Variants in ADGRL1 observed in about 807,000 individuals in gnomAD.
ADGRL1 encodes adhesion G protein-coupled receptor L1, also known as CIRL-1.
ADGRL1 carries 31 observed loss-of-function variants against 148.9 expected under a neutral mutation model. That is an observed-to-expected ratio of 0.21 (90% confidence interval 0.16 to 0.28). The LOEUF is 0.28. ADGRL1 is among the 10% of genes least tolerant of loss of function. ADGRL1 has a pLI of 1.00. For missense variants in ADGRL1, 1,521 were observed against 2,058.8 expected (o/e 0.74, Z 5.05); for synonymous variants, 937 against 900.3 (o/e 1.04, Z -0.73).
In ADGRL1 at chr19:14,160,062, G is replaced by T; in HGVS notation, c.1800+50C>A. 6.6e-7 allele frequency: 1 copy of T among 1,523,340 alleles called. No homozygotes were observed. The highest frequency in any genetic ancestry group is 8.8e-7 in the Non-Finnish European group (1 of 1,129,988). The allele number at this position is 1,523,340 out of a possible 1,614,324, so 94.4% of individuals were successfully genotyped here. ...CAGGTCAGGTACTTCCCAAGCCCCTGGGGGCAGGCGCCCTCCCCATACCAG... is the reference window on the plus strand; with the variant it reads ...CAGGTCAGGTACTTCCCAAGCCCCTTGGGGCAGGCGCCCTCCCCATACCAG... On this transcript the variant is annotated intron_variant, in intron 8 of 22. Coordinates refer to ENST00000361434, the MANE Select transcript of ADGRL1 (RefSeq NM_014921.5). This position sits in a 1 kb window ranked among gnomAD's most constrained non-coding sequence, Gnocchi z 5.9.
At chr19:14,201,734 C>T (rs1972626646) in intron 1 of ADGRL1, among the ~76,000 whole-genome samples, 2 of 152,076 alleles carry the variant, frequency 1.3e-5, no homozygotes, top group South Asian at 2.1e-4. Flanking sequence ...ACTTCTTGAA[C>T]GCACACTGTG....
rs1568584534 is a variant in ADGRL1, at chr19:14,162,197, C to T, written c.1195+409G>A. ...ACTGCAGAGTTGCCCTCAGCCCGGT[C>T]AGCATCAGCAGCTCAGCTCTTTTGT... On this transcript the variant is annotated intron_variant, in intron 5 of 22. Coordinates refer to ENST00000361434, the MANE Select transcript of ADGRL1 (RefSeq NM_014921.5). The surrounding 1 kb of genome is among the most constrained non-coding windows in gnomAD (Gnocchi z 5.4). 6.6e-6 allele frequency among the ~76,000 whole-genome samples: 1 copy of T among 152,174 alleles called. No homozygotes were observed. The highest frequency in any genetic ancestry group is 1.5e-5 in the Non-Finnish European group (1 of 68,034).
rs1968335635 is a variant in ADGRL1, at chr19:14,152,696, C to T, written c.3424-83G>A. 1.8e-5 allele frequency: 28 copies of T among 1,590,246 alleles called. No individual in the cohort carries two copies. The highest frequency in any genetic ancestry group is 1.7e-4 in the South Asian group (15 of 89,992). ...TCTGAGACTGCTCACCTGATCATCA[C>T]GATCAGAAACCTAGGCCAAGCCACT... On this transcript the variant is annotated intron_variant, in intron 19 of 22. Coordinates refer to ENST00000361434, the MANE Select transcript of ADGRL1 (RefSeq NM_014921.5). This position sits in a 1 kb window ranked among gnomAD's most constrained non-coding sequence, Gnocchi z 6.1.
At position 14,201,325 on chromosome 19, in the gene ADGRL1, G is replaced by C. The variant is rs576767738; in HGVS notation, c.-96+4660C>G. ...TTGTTTTTTTTTTTTGGCGGGGTGG[G>C]GGGGGGCAAGGTTATTTTTGGCCTG... On this transcript the variant is annotated intron_variant, in intron 1 of 22. Coordinates refer to ENST00000361434, the MANE Select transcript of ADGRL1 (RefSeq NM_014921.5). Among the ~76,000 whole-genome samples, 1,405 of 144,090 alleles carry C rather than the reference G, an allele frequency of 9.8e-3. 31 individuals are homozygous for C. Among genetic ancestry groups the C allele is most frequent in the Non-Finnish European group, 0.017 (1,127 of 65,992 alleles). The allele number at this position is 144,090 out of a possible 152,430, so 94.5% of individuals were successfully genotyped here. A position where few individuals can be genotyped will look rare whatever the true frequency, so the allele number is the denominator to read the frequency against.
At position 14,183,403 on chromosome 19, in the gene ADGRL1, G is replaced by C. The variant is rs1231421094; in HGVS notation, c.70+130C>G. 4.2e-5 allele frequency: 35 copies of C among 827,590 alleles called. 1 individual carries two copies. In the South Asian group the frequency reaches 5.8e-4, roughly 14 times the overall value. 51.3% of individuals were successfully genotyped at this position (827,590 alleles called of 1,614,324 possible). On this transcript the variant is annotated intron_variant, in intron 2 of 22. Coordinates refer to ENST00000361434, the MANE Select transcript of ADGRL1 (RefSeq NM_014921.5). ...CTGAGTCTTCCACTGGCCTGCTCCA[G>C]CTGAGGTCTGGGGCGGGGCAGGGGG...
intron 1 of ADGRL1, among the ~76,000 whole-genome samples, chr19:14,195,169 C>T (rs1972179913): frequency 6.6e-6 from 1 of 152,012 alleles, no homozygotes; most frequent in Non-Finnish European, 1.5e-5. Context: ...ACAGGTGTAC[C>T]CAGGAATCCA....
intron 1 of ADGRL1, among the ~76,000 whole-genome samples, chr19:14,192,391 C>A (rs546806841): frequency 2.0e-5 from 3 of 152,090 alleles, no homozygotes; most frequent in African/African-American, 7.2e-5. Context: ...CAGTCACACG[C>A]CACCACGCCT....
intron 1 of ADGRL1, among the ~76,000 whole-genome samples, chr19:14,187,360 C>A (rs563071060): frequency 3.5e-4 from 53 of 152,128 alleles, no homozygotes; most frequent in Middle Eastern, 6.8e-3. Context: ...TAAAACAAAT[C>A]GGCACAGGCC....
At chr19:14,179,600 T>C (rs970048430) in intron 2 of ADGRL1, among the ~76,000 whole-genome samples, 1 of 151,426 alleles carries the variant, frequency 6.6e-6, no homozygotes, top group African/African-American at 2.4e-5. Flanking sequence ...ACAATCAATG[T>C]CTGTTGCTTA....
chr19:14,191,528 T>C (rs908554857), intron 1 of ADGRL1: 1 of 444,124 alleles, frequency 2.3e-6, no homozygotes, highest in Admixed American at 2.4e-5. Flanking sequence ...ACTGCGCGGC[T>C]TACACAGCAG....
chr19:14,198,455 C>A (rs1252728100), intron 1 of ADGRL1, among the ~76,000 whole-genome samples: 1 of 152,180 alleles, frequency 6.6e-6, no homozygotes, highest in Non-Finnish European at 1.5e-5. Context: ...TTCTGGCCCC[C>A]ACCTTGCTGG....
intron 1 of ADGRL1, among the ~76,000 whole-genome samples, chr19:14,196,991 T>C (rs1050150729): frequency 4.6e-5 from 7 of 152,144 alleles, no homozygotes; most frequent in Non-Finnish European, 7.4e-5. Context: ...AAGGTCACCC[T>C]GGAGCTGGGC....
Position 14,155,896 on chromosome 19 carries a change from A to G in ADGRL1, c.3125+214T>C, listed in dbSNP as rs1034378657. 5 of 591,588 alleles carry G rather than the reference A, an allele frequency of 8.5e-6. No homozygotes were observed. The African/African-American group carries it at 9.3e-5, about 11-fold the overall frequency. The allele number at this position is 591,588 out of a possible 1,614,324, so 36.6% of individuals were successfully genotyped here. On this transcript the variant is annotated intron_variant, in intron 17 of 22. Transcript: ENST00000361434. This position sits in a 1 kb window ranked among gnomAD's most constrained non-coding sequence, Gnocchi z 5.0. ...CCTCAGCCTACATACCGATGCCCCT[A>G]AAACCACAGGTTGGACGTGCTAATG...
At chr19:14,166,856 G>A (rs1160054961) in intron 4 of ADGRL1, among the ~76,000 whole-genome samples, 1 of 152,054 alleles carries the variant, frequency 6.6e-6, no homozygotes, top group Non-Finnish European at 1.5e-5. Flanking sequence ...CCGCACCAGG[G>A]CTGGTCCCAC....
chr19:14,150,974 GGTA>G lies in ADGRL1; in HGVS notation c.4306_4308del (p.Tyr1436del). 6.2e-7 allele frequency: 1 copy of G among 1,601,470 alleles called. No homozygotes were observed. Among genetic ancestry groups the G allele is most frequent in the African/African-American group, 1.3e-5 (1 of 74,758 alleles). ...CCCTCGTGGCTAGGACGCCGCACCT[GGTA>G]GTAGCCCTGCAGGGGATTCCGGGCC... On this transcript the variant is annotated inframe_deletion, in exon 23 of 23. Transcript: ENST00000361434.
chr19:14,187,873 G>A (rs1971683716), intron 1 of ADGRL1, among the ~76,000 whole-genome samples: 1 of 152,018 alleles, frequency 6.6e-6, no homozygotes, highest in Non-Finnish European at 1.5e-5. Context: ...CCCCTCCCAG[G>A]GTCTCCAAGC....
chr19:14,194,653 C>T (rs964983543), intron 1 of ADGRL1, among the ~76,000 whole-genome samples: 17 of 152,174 alleles, frequency 1.1e-4, no homozygotes, highest in Non-Finnish European at 1.5e-5. Flanking sequence ...GGCTGGCTCC[C>T]CAGGTTGGGC....
In ADGRL1 at chr19:14,158,459, G is replaced by A. The variant is rs756551238; in HGVS notation, c.2243C>T (p.Pro748Leu). 9 of 1,613,786 alleles carry A rather than the reference G, an allele frequency of 5.6e-6. No individual in the cohort carries two copies. Among genetic ancestry groups the A allele is most frequent in the Middle Eastern group, 3.3e-4 (2 of 6,084 alleles). ...TAGAGAGGCGCCCCCAGGGCCACCC[G>A]GGCCTGCTTCGCCGGCCAGCTTCAC... The part of the protein sequence containing the change: ...ATVKLAGEAG[P>L]GGPGGASLVV... The change falls in exon 12 of 23, where the codon CCG becomes CTG. Residue 748 changes from proline to leucine, a missense_variant. Coordinates refer to ENST00000361434, the MANE Select transcript of ADGRL1 (RefSeq NM_014921.5).
Position 14,160,006 on chromosome 19 carries a change from G to A in ADGRL1, c.1800+106C>T. The A allele has an allele frequency of 8.1e-7, 1 of 1,240,316 alleles. No individual in the cohort carries two copies. The highest frequency in any genetic ancestry group is 2.5e-5 in the East Asian group (1 of 40,616). 76.8% of individuals were successfully genotyped at this position (1,240,316 alleles called of 1,614,324 possible). ...GGGGGTCCTTCCTCTCTGAGGAAAG[G>A]AGTGGAGGTGGCAGCCTGGCTGGGA... On this transcript the variant is annotated intron_variant, in intron 8 of 22. Transcript: ENST00000361434. This position sits in a 1 kb window ranked among gnomAD's most constrained non-coding sequence, Gnocchi z 5.9.
Sources: gnomAD v4.1 joint callset for allele counts (sites outside exome capture counted in the v4.1 genomes callset) on GRCh38, gnomAD v4.1.1 for gene constraint, Gnocchi (gnomAD v3.1) non-coding constraint, MANE v1.5 for transcripts, NCBI Gene and HGNC (gene_info 2026-07-23, HGNC 2026-07-21) for gene names.